CABLES1: variants seen among roughly 807,000 people sequenced by gnomAD.
CABLES1 encodes the protein Cdk5 and Abl enzyme substrate 1, also known as CDK5 and ABL1 enzyme substrate 1.
A neutral mutation model predicts 57.8 loss-of-function variants in CABLES1; 36 were observed. The observed-to-expected ratio is 0.62, with a 90% CI of 0.48 to 0.82. The LOEUF (loss-of-function observed/expected upper bound fraction) is 0.82. Among genes scored for constraint, CABLES1 ranks in the 40% least tolerant of loss-of-function variants. The pLI, the probability that CABLES1 is intolerant of heterozygous loss-of-function variation, is 0.00. For synonymous variants in CABLES1, 374 were observed against 363.0 expected (o/e 1.03, Z -0.35); for missense variants, 767 against 836.6 (o/e 0.92, Z 1.03).
chr18:23,228,961 T>C (rs1158559822), intron 4 of CABLES1, among the ~76,000 whole-genome samples: 2 of 152,056 alleles, frequency 1.3e-5, no homozygotes, highest in Non-Finnish European at 2.9e-5. Context: ...AGTTAGGGTG[T>C]CTGTAGAAAT....
At position 23,260,358 on chromosome 18, in the gene CABLES1, C is replaced by G. The variant is rs2048264332; in HGVS notation, c.*2991C>G. 1 of 152,322 alleles carries G rather than the reference C, an allele frequency of 6.6e-6. No homozygotes were observed. The highest frequency in any genetic ancestry group is 2.1e-4 in the South Asian group (1 of 4,830). The allele number at this position is 152,322 out of a possible 1,614,324, so 9.4% of individuals were successfully genotyped here. ...GGGCGGCCGCTTCACACAAGCCACT[C>G]TGTACCACGTGCCCTACCTTAGTGA... On this transcript the variant is annotated 3_prime_UTR_variant, in exon 10 of 10. Coordinates refer to ENST00000256925, the MANE Select transcript of CABLES1 (RefSeq NM_001100619.3).
At chr18:23,221,164 G>C (rs1204300345) in intron 4 of CABLES1, among the ~76,000 whole-genome samples, 1 of 152,248 alleles carries the variant, frequency 6.6e-6, no homozygotes, top group Non-Finnish European at 1.5e-5. Flanking sequence ...TGTTGCATTA[G>C]AGGATTCCTT....
intron 1 of CABLES1, among the ~76,000 whole-genome samples, chr18:23,144,137 C>A (rs968704334): frequency 6.6e-6 from 1 of 152,240 alleles, no homozygotes; most frequent in African/African-American, 2.4e-5. Context: ...TCCCCATGCT[C>A]GTACACGCTC....
intron 1 of CABLES1, among the ~76,000 whole-genome samples, chr18:23,137,725 G>A (rs1340783750): frequency 6.6e-6 from 1 of 152,206 alleles, no homozygotes; most frequent in African/African-American, 2.4e-5. Context: ...GGGAAGAACA[G>A]GCCCGCCTCA....
chr18:23,216,969 G>T (rs1011821946), intron 4 of CABLES1, among the ~76,000 whole-genome samples: 1 of 152,234 alleles, frequency 6.6e-6, no homozygotes, highest in Non-Finnish European at 1.5e-5. Context: ...AAATGAGTGT[G>T]TGGGATCCCA....
intron 3 of CABLES1, among the ~76,000 whole-genome samples, chr18:23,211,516 C>G (rs2047404445): frequency 6.6e-6 from 1 of 152,208 alleles, no homozygotes; most frequent in South Asian, 2.1e-4. Context: ...TTGCCCCTCC[C>G]TGCACTGGGC....
chr18:23,183,594 AGTCT>A (rs1239459257), intron 1 of CABLES1, among the ~76,000 whole-genome samples: 2 of 152,214 alleles, frequency 1.3e-5, no homozygotes, highest in African/African-American at 4.8e-5. Flanking sequence ...CTGTCAGACA[AGTCT>A]GGGAGCCCTG....
At position 23,258,925 on chromosome 18, in the gene CABLES1, T is replaced by G. The variant is rs1032414937; in HGVS notation, c.*1558T>G. 2 of 151,316 alleles carry G rather than the reference T, an allele frequency of 1.3e-5. No individual in the cohort carries two copies. Among genetic ancestry groups the G allele is most frequent in the East Asian group, 3.9e-4 (2 of 5,126 alleles). The allele number at this position is 151,316 out of a possible 1,614,324, so 9.4% of individuals were successfully genotyped here. ...GCTTCTTCAGAATCTTAGATTGCACTGAGTTTAGTCCTAAATATTTTGCTA... is the reference window on the plus strand; with the variant it reads ...GCTTCTTCAGAATCTTAGATTGCACGGAGTTTAGTCCTAAATATTTTGCTA... On this transcript the variant is annotated 3_prime_UTR_variant, in exon 10 of 10. Transcript: ENST00000256925.
intron 7 of CABLES1, among the ~76,000 whole-genome samples, chr18:23,246,479 C>T (rs1317883752): frequency 6.6e-6 from 1 of 151,790 alleles, no homozygotes; most frequent in African/African-American, 2.4e-5. Context: ...GCAAGCTCCG[C>T]CTCCCGGGTT....
At chr18:23,179,923 G>GTTTTTATTTTT (rs2047152462) in intron 1 of CABLES1, among the ~76,000 whole-genome samples, 1 of 151,946 alleles carries the variant, frequency 6.6e-6, no homozygotes, top group African/African-American at 2.4e-5. Context: ...TTTTATTTTT[G>GTTTTTATTTTT]TTTTTTGTTT....
At chr18:23,150,203 G>GTTTTT (rs140194017) in intron 1 of CABLES1, among the ~76,000 whole-genome samples, 2 of 64,244 alleles carry the variant, frequency 3.1e-5, no homozygotes, top group African/African-American at 8.1e-5. Context: ...AGTAGTTGGT[G>GTTTTT]TTTGTTTTTT....
chr18:23,177,071 C>A lies in CABLES1; in HGVS notation c.846-11767C>A, dbSNP rs72874960. On this transcript the variant is annotated intron_variant, in intron 1 of 9. Transcript: ENST00000256925. ...CGGTTCTCCCTCGCCTTCTTCAAAT[C>A]CCACAGAGCTAGGCACAGAGGGTCC... 6.2e-4 allele frequency among the ~76,000 whole-genome samples: 94 copies of A among 152,254 alleles called. 1 individual carries two copies. The highest frequency in any genetic ancestry group is 1.2e-3 in the Non-Finnish European group (82 of 68,030).
At chr18:23,207,408 G>A (rs1031460685) in intron 3 of CABLES1, among the ~76,000 whole-genome samples, 110 of 152,274 alleles carry the variant, frequency 7.2e-4, no homozygotes, top group African/African-American at 2.5e-3. Context: ...CAGTTTTCCC[G>A]CCAGCATATC....
At chr18:23,168,614 A>C (rs948441720) in intron 1 of CABLES1, among the ~76,000 whole-genome samples, 4 of 152,218 alleles carry the variant, frequency 2.6e-5, no homozygotes, top group Non-Finnish European at 1.5e-5. Context: ...GATTTATGCT[A>C]TGTATCTTTT....
At chr18:23,155,779 A>C (rs2046961376) in intron 1 of CABLES1, 2 of 1,513,258 alleles carry the variant, frequency 1.3e-6, no homozygotes, top group African/African-American at 1.4e-5. Context: ...ATGGCTTTTC[A>C]TTTTGAGTCT....
At chr18:23,138,061 C>T in intron 1 of CABLES1, among the ~76,000 whole-genome samples, 1 of 152,182 alleles carries the variant, frequency 6.6e-6, no homozygotes, top group Admixed American at 6.5e-5. Flanking sequence ...CTCATGGTGA[C>T]TCCAGACTTG....
rs569186730 is a variant in CABLES1 at position 23,137,717 on chromosome 18, G to T, written c.845+1110G>T. Among the ~76,000 whole-genome samples, 3 of 152,306 alleles carry T rather than the reference G, an allele frequency of 2.0e-5. No individual in the cohort carries two copies. The East Asian group carries it at 5.8e-4, about 29-fold the overall frequency. On this transcript the variant is annotated intron_variant, in intron 1 of 9. Coordinates refer to ENST00000256925, the MANE Select transcript of CABLES1 (RefSeq NM_001100619.3). Reference sequence around the variant, plus strand: ...TTCCTCCCGCAATGGACAAATGGGGGAAGAACAGGCCCGCCTCATCCACAA... The same window carrying T: ...TTCCTCCCGCAATGGACAAATGGGGTAAGAACAGGCCCGCCTCATCCACAA...
intron 7 of CABLES1, among the ~76,000 whole-genome samples, chr18:23,237,932 A>G (rs926196711): frequency 2.6e-5 from 4 of 151,076 alleles, no homozygotes; most frequent in African/African-American, 9.8e-5. Flanking sequence ...CTGCTGTGGG[A>G]GGAGGGGGAG....
At chr18:23,246,040 G>A (rs1302579832) in intron 7 of CABLES1, among the ~76,000 whole-genome samples, 1 of 152,162 alleles carries the variant, frequency 6.6e-6, no homozygotes, top group Non-Finnish European at 1.5e-5. Flanking sequence ...GGCCAAGGTG[G>A]GCAGATCACG....
Sources: gnomAD v4.1 joint callset for allele counts (sites outside exome capture counted in the v4.1 genomes callset) on GRCh38, gnomAD v4.1.1 for gene constraint, MANE v1.5 for transcripts, NCBI Gene and HGNC (gene_info 2026-07-23, HGNC 2026-07-21) for gene names.